Variants in KIF13B observed in about 807,000 individuals in gnomAD.
The protein encoded by KIF13B is kinesin-like protein KIF13B.
KIF13B carries 127 observed loss-of-function variants against 222.0 expected under a neutral mutation model. The observed-to-expected ratio is 0.57, with a 90% CI of 0.50 to 0.66. The LOEUF (loss-of-function observed/expected upper bound fraction) is 0.66. Among genes scored for constraint, KIF13B ranks in the 30% least tolerant of loss-of-function variants. The pLI, the probability that KIF13B is intolerant of heterozygous loss-of-function variation, is 0.00. For missense variants in KIF13B, 2,173 were observed against 2,379.0 expected (o/e 0.91, Z 1.80); for synonymous variants, 976 against 919.0 (o/e 1.06, Z -1.12).
chr8:29,206,635 T>C (rs1813954629), intron 2 of KIF13B, among the ~76,000 whole-genome samples: 2 of 152,188 alleles, frequency 1.3e-5, no homozygotes, highest in South Asian at 2.1e-4. Flanking sequence ...TTCCTTCTGA[T>C]AGTCATTCAT....
At chr8:29,078,362 C>T (rs1046118189) in intron 37 of KIF13B, among the ~76,000 whole-genome samples, 13 of 151,138 alleles carry the variant, frequency 8.6e-5, no homozygotes, top group Admixed American at 5.9e-4. Flanking sequence ...CGGGTGTGAA[C>T]GCCACATGAA....
intron 29 of KIF13B, among the ~76,000 whole-genome samples, chr8:29,122,134 A>G (rs968822503): frequency 1.0e-3 from 154 of 152,256 alleles, no homozygotes; most frequent in African/African-American, 3.6e-3. Context: ...CAAGCCTGTA[A>G]TCCCAGCTAC....
chr8:29,070,764 T>C lies in KIF13B; in HGVS notation c.5221A>G (p.Lys1741Glu). 1.3e-6 allele frequency: 2 copies of C among 1,587,826 alleles called. No homozygotes were observed. Among genetic ancestry groups the C allele is most frequent in the African/African-American group, 1.3e-5 (1 of 74,558 alleles). The change falls in exon 40 of 40, where the codon AAG becomes GAG. Residue 1741 changes from lysine (K) to glutamate (E), a missense_variant and splice_region_variant. By Grantham distance (56) the Lys-to-Glu change is moderately conservative (BLOSUM62 1). Transcript: ENST00000524189. This position sits in a 1 kb window ranked among gnomAD's most constrained non-coding sequence, Gnocchi z 4.1. ...VGVELDLPSG[K>E]NDGSIGGKQY... is the part of the protein sequence containing the mutation. ...TTCCCGCCGATGGAACCGTCATTCT[T>C]ACCTGCGGGGGAAGGAGAGGGTGAT...
Position 29,256,381 on chromosome 8 carries a change from C to A in KIF13B, c.55+6599G>T, listed in dbSNP as rs550880948. Among the ~76,000 whole-genome samples the A allele has an allele frequency of 6.6e-5, 10 of 152,344 alleles. No individual in the cohort carries two copies. In the South Asian group the frequency reaches 8.3e-4, roughly 13 times the overall value. On this transcript the variant is annotated intron_variant, in intron 1 of 39. Transcript: ENST00000524189. ...CACCCATCTGGATTCCTCCACGTCA[C>A]CCCGGTGGAACTTGGAGCCAAGGGG...
chr8:29,087,372 CAGA>C (rs1179277435), intron 37 of KIF13B, among the ~76,000 whole-genome samples: 9 of 152,096 alleles, frequency 5.9e-5, no homozygotes, highest in Non-Finnish European at 1.3e-4. Flanking sequence ...TGTGGACAGC[CAGA>C]ATGTATGCAT....
chr8:29,106,724 T>C (rs940738119), intron 35 of KIF13B, among the ~76,000 whole-genome samples: 2 of 145,104 alleles, frequency 1.4e-5, no homozygotes, highest in Non-Finnish European at 3.0e-5. Flanking sequence ...ATGTCAAACA[T>C]ACACAAAAGC....
In KIF13B at chr8:29,221,152, G is replaced by C. The variant is rs138772800; in HGVS notation, c.149+24194C>G. The stretch of plus-strand genomic sequence containing the variant: ...GAGTCTCACTCTGTCACCCAGGCTG[G>C]AGTGCAGTGGTATGATCTCAGCTCA... On this transcript the variant is annotated intron_variant, in intron 2 of 39. Transcript: ENST00000524189. 4.1e-3 allele frequency among the ~76,000 whole-genome samples: 586 copies of C among 143,600 alleles called. 3 individuals are homozygous for C. Among genetic ancestry groups the C allele is most frequent in the African/African-American group, 0.015 (549 of 37,674 alleles). 94.2% of individuals were successfully genotyped at this position (143,600 alleles called of 152,430 possible).
chr8:29,089,692 G>T (rs1808203400), intron 37 of KIF13B, among the ~76,000 whole-genome samples: 1 of 151,916 alleles, frequency 6.6e-6, no homozygotes, highest in Non-Finnish European at 1.5e-5. Context: ...TTAGGAGTTC[G>T]AGACCAGCCT....
At chr8:29,144,227 A>C (rs2129961952) in intron 18 of KIF13B, among the ~76,000 whole-genome samples, 1 of 152,220 alleles carries the variant, frequency 6.6e-6, no homozygotes, top group African/African-American at 2.4e-5. Flanking sequence ...TAATAAAACA[A>C]ACATTTGAGA....
chr8:29,236,365 C>T (rs1407745916), intron 2 of KIF13B, among the ~76,000 whole-genome samples: 2 of 152,134 alleles, frequency 1.3e-5, no homozygotes, highest in Non-Finnish European at 2.9e-5. Flanking sequence ...ACAGTATCAG[C>T]CACAAATTAA....
rs559178783 is a variant in KIF13B at position 29,160,958 on chromosome 8, T to C, written c.1270-91A>G. ...ACATTACAATGTTACAATTATTCAA[T>C]AGTGTTGTAATTCAAATACATTCTC... is the stretch of plus-strand genomic sequence containing the variant. On this transcript the variant is annotated intron_variant, in intron 12 of 39. Transcript: ENST00000524189. 2.9e-5 allele frequency: 31 copies of C among 1,086,918 alleles called. No individual in the cohort carries two copies. The Admixed American group carries it at 3.9e-4, about 14-fold the overall frequency. 67.3% of individuals were successfully genotyped at this position (1,086,918 alleles called of 1,614,324 possible).
intron 10 of KIF13B, among the ~76,000 whole-genome samples, chr8:29,175,769 T>C (rs1453166552): frequency 1.3e-5 from 2 of 152,190 alleles, no homozygotes; most frequent in African/African-American, 4.8e-5. Flanking sequence ...ACTCACACAG[T>C]GGTCAGATTA....
At chr8:29,136,960 C>T (rs928727931) in intron 21 of KIF13B, among the ~76,000 whole-genome samples, 26 of 151,884 alleles carry the variant, frequency 1.7e-4, no homozygotes, top group Admixed American at 3.3e-4. Flanking sequence ...CCACCACGCC[C>T]GGCTAATTTT....
Position 29,072,254 on chromosome 8 carries a change from G to T in KIF13B, c.4584C>A (p.Ile1528=), listed in dbSNP as rs775030095. 4 of 1,470,448 alleles carry T rather than the reference G, an allele frequency of 2.7e-6. No homozygotes were observed. Among genetic ancestry groups the T allele is most frequent in the Non-Finnish European group, 3.6e-6 (4 of 1,112,086 alleles). 91.1% of individuals were successfully genotyped at this position (1,470,448 alleles called of 1,614,324 possible). Reference sequence around the variant, plus strand: ...AAGGCACTTTGGCAGGTTTGTCGCAGATCTTCAAGGCCGGGGCCCCCATCG... The same window carrying T: ...AAGGCACTTTGGCAGGTTTGTCGCATATCTTCAAGGCCGGGGCCCCCATCG... ...VQTMGAPALK[I]CDKPAKVPSP... The change falls in exon 39 of 40, where the codon ATC becomes ATA. Residue 1528 remains isoleucine (I), a synonymous_variant. Coordinates refer to ENST00000524189, the MANE Select transcript of KIF13B (RefSeq NM_015254.4).
rs368157463 is a variant in KIF13B, at chr8:29,167,577, G to A, written c.954C>T (p.Leu318=). The A allele has an allele frequency of 1.6e-5, 26 of 1,613,722 alleles. No homozygotes were observed. In the African/African-American group the frequency reaches 1.9e-4, roughly 12 times the overall value. Residue 318 remains leucine (L), a synonymous_variant, in exon 11 of 40, where the codon CTC becomes CTT. Transcript: ENST00000524189. ...SVLTWLLKDS[L]GGNSKTAMVA... is the part of the protein sequence containing the mutation. ...CCATGGCGGTCTTGCTGTTACCCCCGAGGCTGTCCTACAGGAGAAAACAGA... is the reference window on the plus strand; with the variant it reads ...CCATGGCGGTCTTGCTGTTACCCCCAAGGCTGTCCTACAGGAGAAAACAGA...
chr8:29,208,651 C>A (rs1347837878), intron 2 of KIF13B, among the ~76,000 whole-genome samples: 1 of 152,208 alleles, frequency 6.6e-6, no homozygotes, highest in Non-Finnish European at 1.5e-5. Context: ...AAATAGACAA[C>A]GGGCAGACCA....
intron 29 of KIF13B, 116 bp downstream of exon 29, chr8:29,122,475 C>G (rs2129736803): frequency 2.6e-6 from 2 of 774,514 alleles, no homozygotes; most frequent in African/African-American, 1.7e-5. Flanking sequence ...ACACGTCAAA[C>G]TGGCTCTAGC....
At chr8:29,114,516 G>A (rs1035761058) in intron 31 of KIF13B, among the ~76,000 whole-genome samples, 1 of 152,168 alleles carries the variant, frequency 6.6e-6, no homozygotes, top group Admixed American at 6.5e-5. Context: ...GTGGTGAAGG[G>A]AGATGTAGAT....
At chr8:29,085,322 C>T (rs546038381) in intron 37 of KIF13B, among the ~76,000 whole-genome samples, 2 of 152,270 alleles carry the variant, frequency 1.3e-5, no homozygotes, top group East Asian at 3.9e-4. Context: ...GTGAAGGACA[C>T]TCTAATGAAA....
Sources: gnomAD v4.1 joint callset for allele counts (sites outside exome capture counted in the v4.1 genomes callset) on GRCh38, gnomAD v4.1.1 for gene constraint, Gnocchi (gnomAD v3.1) non-coding constraint, MANE v1.5 for transcripts, NCBI Gene and HGNC (gene_info 2026-07-23, HGNC 2026-07-21) for gene names.